TGM3: variants seen among roughly 807,000 people sequenced by gnomAD.
TGM3 encodes the protein transglutaminase 3.
Under a neutral mutation model 73.8 loss-of-function variants are expected in TGM3, and 52 were observed. The observed-to-expected ratio is 0.70, with a 90% confidence interval of 0.56 to 0.89. TGM3 has a LOEUF of 0.89. TGM3 is among the 40% of genes least tolerant of loss of function. The pLI is 0.00. For synonymous variants in TGM3, 372 were observed against 354.9 expected (o/e 1.05, Z -0.54); for missense variants, 928 against 909.9 (o/e 1.02, Z -0.26).
At chr20:2,309,504 A>T (rs2084191476) in intron 1 of TGM3, among the ~76,000 whole-genome samples, 153 bp from the exon 2 acceptor site, 1 of 152,198 alleles carries the variant, frequency 6.6e-6, no homozygotes, top group Non-Finnish European at 1.5e-5. Flanking sequence ...ATGCAAGATC[A>T]AGGTCTTTGG....
chr20:2,340,040 G>GGGGGGGGGC, intron 12 of TGM3, 53 bp downstream of exon 12: 1 of 944,846 alleles, frequency 1.1e-6, no homozygotes, highest in Non-Finnish European at 1.6e-6. Context: ...GGGCGGGGGG[G>GGGGGGGGGC]CCCTCCAGAT....
At chr20:2,304,965 C>T (rs1270745021) in intron 1 of TGM3, among the ~76,000 whole-genome samples, 2 of 152,154 alleles carry the variant, frequency 1.3e-5, no homozygotes, top group Non-Finnish European at 2.9e-5. Flanking sequence ...AAACAGACGA[C>T]CAGCTTATGG....
intron 5 of TGM3, among the ~76,000 whole-genome samples, chr20:2,315,646 G>A (rs1033348826): frequency 3.9e-5 from 6 of 152,230 alleles, no homozygotes; most frequent in African/African-American, 1.4e-4. Flanking sequence ...TCCTGGTCCA[G>A]CCTCTCATTG....
intron 7 of TGM3, among the ~76,000 whole-genome samples, chr20:2,324,675 A>G (rs2084277275): frequency 6.6e-6 from 1 of 152,160 alleles, no homozygotes; most frequent in Admixed American, 6.5e-5. Context: ...CTCACTCTCC[A>G]GCAACCCAGG....
At chr20:2,315,126 G>A (rs2084226485) in intron 5 of TGM3, among the ~76,000 whole-genome samples, 2 of 152,178 alleles carry the variant, frequency 1.3e-5, no homozygotes, top group African/African-American at 2.4e-5. Flanking sequence ...TTAGAAGGCT[G>A]AGTCTCTTTG....
rs888690628 is a variant in TGM3, at chr20:2,341,009, G to A, written c.*428G>A. 1.1e-4 allele frequency: 50 copies of A among 455,056 alleles called. No individual in the cohort carries two copies. The highest frequency in any genetic ancestry group is 2.7e-5 in the Non-Finnish European group (6 of 226,146). 28.2% of individuals were successfully genotyped at this position (455,056 alleles called of 1,614,324 possible). ...CTCTCAGGCCACCACAGAGGGCAGG[G>A]GATGGTTAGTCACCTGCCCCAGCAC... On this transcript the variant is annotated 3_prime_UTR_variant, in exon 13 of 13. Coordinates refer to ENST00000381458, the MANE Select transcript of TGM3 (RefSeq NM_003245.4).
Position 2,317,092 on chromosome 20 carries a change from G to A in TGM3, c.694G>A (p.Val232Met). Residue 232 changes from valine (V) to methionine (M), a missense_variant, in exon 6 of 13, where the codon GTG (valine) becomes ATG (methionine). Physicochemically the swap from Val to Met is conservative, Grantham distance 21. Transcript: ENST00000381458. ...GATCAATAGCAATGATGACAATGGT[G>A]TGCTTGCTGGGAATTGGAGCGGCAC... ...AMINSNDDNG[V>M]LAGNWSGTYT... 6.2e-7 allele frequency: 1 copy of A among 1,613,996 alleles called. No homozygotes were observed. Among genetic ancestry groups the A allele is most frequent in the Non-Finnish European group, 8.5e-7 (1 of 1,180,042 alleles).
chr20:2,337,547 C>T lies in TGM3; in HGVS notation c.1800+2274C>T, dbSNP rs202178547. On this transcript the variant is annotated intron_variant, in intron 11 of 12. Transcript: ENST00000381458. ...CAGCCTGGCCAACATGGTGAAACCCCGTCTCTACTAAAAATAGAAAAAATT... is the reference window on the plus strand; with the variant it reads ...CAGCCTGGCCAACATGGTGAAACCCTGTCTCTACTAAAAATAGAAAAAATT... 3.8e-4 allele frequency among the ~76,000 whole-genome samples: 58 copies of T among 152,096 alleles called. No homozygotes were observed. In the East Asian group the frequency reaches 9.1e-3, roughly 24 times the overall value.
At chr20:2,327,609 C>A (rs2084295573) in intron 8 of TGM3, among the ~76,000 whole-genome samples, 1 of 152,162 alleles carries the variant, frequency 6.6e-6, no homozygotes, top group South Asian at 2.1e-4. Context: ...GTGAAAAAAG[C>A]TGAAAGTCAC....
chr20:2,334,278 A>G lies in TGM3; in HGVS notation c.1643-838A>G, dbSNP rs1438247218. Among the ~76,000 whole-genome samples, 1 of 152,176 alleles carries G rather than the reference A, an allele frequency of 6.6e-6. No homozygotes were observed. The highest frequency in any genetic ancestry group is 1.5e-5 in the Non-Finnish European group (1 of 68,024). ...GAAGTGTGGAAGGTTCTTTTAAGGG[A>G]CAGGTGATGCAGGGCCAGGTTGAGG... is the stretch of plus-strand genomic sequence containing the variant. On this transcript the variant is annotated intron_variant, in intron 10 of 12. Coordinates refer to ENST00000381458, the MANE Select transcript of TGM3 (RefSeq NM_003245.4). This position sits in a 1 kb window ranked among gnomAD's most constrained non-coding sequence, Gnocchi z 4.0.
At chr20:2,339,484 T>C (rs915808321) in intron 11 of TGM3, among the ~76,000 whole-genome samples, 1 of 152,070 alleles carries the variant, frequency 6.6e-6, no homozygotes, top group Admixed American at 6.5e-5. Flanking sequence ...AAAAAATAAA[T>C]TCAGCATGAA....
intron 11 of TGM3, 69 bp downstream of exon 11, chr20:2,335,342 T>C: frequency 1.9e-6 from 3 of 1,583,394 alleles, no homozygotes; most frequent in Non-Finnish European, 1.7e-6. Flanking sequence ...GGAGCCCCAC[T>C]GTCCCTGTGA....
intron 12 of TGM3, 94 bp downstream of exon 12, chr20:2,340,081 G>A (rs1164004270): frequency 1.4e-6 from 2 of 1,456,002 alleles, no homozygotes; most frequent in African/African-American, 2.8e-5. Context: ...AGCTCCCTCT[G>A]ACCTTGGGTT....
Position 2,317,331 on chromosome 20 carries a change from C to T in TGM3, c.848-19C>T, listed in dbSNP as rs756581828. 2.9e-5 allele frequency: 47 copies of T among 1,614,042 alleles called. No individual in the cohort carries two copies. Among genetic ancestry groups the T allele is most frequent in the Non-Finnish European group, 3.9e-5 (46 of 1,180,024 alleles). ...ACCATCTCCACCACCTGAGTCCTCA[C>T]GCCCACCCTGACTTGCAGCGCTGCG... On this transcript the variant is annotated intron_variant, in intron 6 of 12. Coordinates refer to ENST00000381458, the MANE Select transcript of TGM3 (RefSeq NM_003245.4).
chr20:2,314,181 CA>C (rs2092558434), intron 5 of TGM3, among the ~76,000 whole-genome samples: 1 of 151,636 alleles, frequency 6.6e-6, no homozygotes, highest in Non-Finnish European at 1.5e-5. Flanking sequence ...AACAAACAAA[CA>C]AAAATTAGCC....
At chr20:2,327,863 G>A (rs1287428514) in intron 8 of TGM3, among the ~76,000 whole-genome samples, 2 of 152,234 alleles carry the variant, frequency 1.3e-5, no homozygotes, top group Non-Finnish European at 2.9e-5. Context: ...ACCAAGGACA[G>A]TGGGTCAGCA....
intron 1 of TGM3, among the ~76,000 whole-genome samples, chr20:2,305,133 A>C (rs2084170397): frequency 6.6e-6 from 1 of 152,046 alleles, no homozygotes; most frequent in Non-Finnish European, 1.5e-5. Flanking sequence ...TTTTATGAAG[A>C]CTTCATTTAT....
chr20:2,320,022 C>T (rs2084254642), intron 7 of TGM3, among the ~76,000 whole-genome samples: 1 of 152,240 alleles, frequency 6.6e-6, no homozygotes, highest in Non-Finnish European at 1.5e-5. Context: ...GGAGCTAGCC[C>T]TCCCAAGGGA....
intron 1 of TGM3, among the ~76,000 whole-genome samples, chr20:2,305,842 C>T (rs189276142): frequency 6.6e-6 from 1 of 152,338 alleles, no homozygotes; most frequent in Admixed American, 6.5e-5. Flanking sequence ...AGGACGTCTA[C>T]AAGTGCCTGC....
Sources: allele counts gnomAD v4.1 joint callset (sites outside exome capture counted in the v4.1 genomes callset), GRCh38; gene constraint gnomAD v4.1.1; non-coding constraint Gnocchi (gnomAD v3.1); transcripts MANE v1.5; gene names NCBI Gene and HGNC (gene_info 2026-07-23, HGNC 2026-07-21).